Variants in PRKN observed in about 807,000 individuals in gnomAD.
The protein encoded by PRKN is parkin RBR E3 ubiquitin protein ligase, also known as E3 ubiquitin-protein ligase parkin.
A neutral mutation model predicts 59.5 loss-of-function variants in PRKN; 56 were observed. That is an observed-to-expected ratio of 0.94 (90% confidence interval 0.76 to 1.18). The LOEUF (loss-of-function observed/expected upper bound fraction) is 1.18, where lower values mean the gene tolerates loss of function less well. PRKN is among the 50% of genes most tolerant of loss of function. The pLI, the probability that PRKN is intolerant of heterozygous loss-of-function variation, is 0.00. For missense variants in PRKN, 657 were observed against 596.4 expected, an observed-to-expected ratio of 1.10 and a Z score of -1.06; for synonymous variants, 250 against 222.1, an observed-to-expected ratio of 1.13 and a Z score of -1.12.
chr6:161,937,187 T>C (rs1411641839), intron 6 of PRKN, among the ~76,000 whole-genome samples: 1 of 152,244 alleles, frequency 6.6e-6, no homozygotes, highest in Admixed American at 6.5e-5. Flanking sequence ...CCTCAGTTCC[T>C]TGGGGATGGA....
intron 6 of PRKN, among the ~76,000 whole-genome samples, chr6:161,809,695 C>G (rs577764303): frequency 6.6e-6 from 1 of 152,090 alleles, no homozygotes; most frequent in Non-Finnish European, 1.5e-5. Context: ...ATTTCCTATA[C>G]TGATAATAAA....
At chr6:162,702,793 A>G (rs1778203912) in intron 1 of PRKN, among the ~76,000 whole-genome samples, 1 of 152,192 alleles carries the variant, frequency 6.6e-6, no homozygotes, top group Admixed American at 6.5e-5. Context: ...GAGAATTAAT[A>G]GTGCATAATT....
At chr6:162,342,553 G>C (rs569196856) in intron 2 of PRKN, among the ~76,000 whole-genome samples, 3 of 152,254 alleles carry the variant, frequency 2.0e-5, no homozygotes, top group African/African-American at 7.2e-5. Context: ...TAGTAAGTAA[G>C]TGGTGGACCT....
rs113520633 is a variant in PRKN at position 161,927,939 on chromosome 6, T to C, written c.734+45363A>G. 3.3e-3 allele frequency among the ~76,000 whole-genome samples: 503 copies of C among 152,316 alleles called. 2 individuals carry two copies. Among genetic ancestry groups the C allele is most frequent in the African/African-American group, 0.012 (488 of 41,588 alleles). On this transcript the variant is annotated intron_variant, in intron 6 of 11. Transcript: ENST00000366898. The stretch of plus-strand genomic sequence containing the variant: ...AAAGAGTGAACAAGGATAACATTTA[T>C]GTTTGCTTACTGTTGTAGACCAAAT...
chr6:161,884,719 C>A (rs1353174420), intron 6 of PRKN, among the ~76,000 whole-genome samples: 1 of 152,176 alleles, frequency 6.6e-6, no homozygotes, highest in African/African-American at 2.4e-5. Context: ...GAAATTAGTT[C>A]TTGTACCTCT....
chr6:162,698,708 T>A (rs904773133), intron 1 of PRKN, among the ~76,000 whole-genome samples: 9 of 152,220 alleles, frequency 5.9e-5, no homozygotes, highest in African/African-American at 2.2e-4. Flanking sequence ...CCAACCAGCA[T>A]CTCTGCTTCT....
intron 7 of PRKN, among the ~76,000 whole-genome samples, chr6:161,725,733 C>T (rs1787414621): frequency 6.6e-6 from 1 of 152,178 alleles, no homozygotes; most frequent in Non-Finnish European, 1.5e-5. Flanking sequence ...ACTTAGCTTC[C>T]TCATCCACAA....
At chr6:162,066,060 A>T (rs1161855080) in intron 4 of PRKN, among the ~76,000 whole-genome samples, 1 of 152,178 alleles carries the variant, frequency 6.6e-6, no homozygotes, top group Non-Finnish European at 1.5e-5. Flanking sequence ...TAGTAGCATG[A>T]TTTATAATCC....
chr6:162,364,749 G>C (rs1785332854), intron 2 of PRKN, among the ~76,000 whole-genome samples: 1 of 152,110 alleles, frequency 6.6e-6, no homozygotes, highest in African/African-American at 2.4e-5. Context: ...GGGTGTGAAG[G>C]GGAATCAGGA....
chr6:161,743,386 TTTTATTTATTTATTTA>T (rs372492770), intron 7 of PRKN, among the ~76,000 whole-genome samples: 2 of 140,246 alleles, frequency 1.4e-5, no homozygotes, highest in Non-Finnish European at 3.1e-5. Flanking sequence ...CATCCAGCTT[TTTTATTTATTTATTTA>T]TTTATTTATT....
chr6:162,499,079 A>T (rs561613204), intron 1 of PRKN, among the ~76,000 whole-genome samples: 1 of 152,272 alleles, frequency 6.6e-6, no homozygotes, highest in Admixed American at 6.5e-5. Context: ...TCTGGGAGTA[A>T]GTCCAGGTCT....
chr6:161,457,292 G>T lies in PRKN; in HGVS notation c.1084-70415C>A, dbSNP rs1208963969. ...AGGATGGGCAGCTGGGCCAATGCAG[G>T]ATCCAACTATTCAAGATTCCTCCAC... On this transcript the variant is annotated intron_variant, in intron 9 of 11. Transcript: ENST00000366898. The surrounding 1 kb of genome is among the most constrained non-coding windows in gnomAD (Gnocchi z 5.0). 2.6e-5 allele frequency among the ~76,000 whole-genome samples: 4 copies of T among 152,164 alleles called. No individual in the cohort carries two copies. The highest frequency in any genetic ancestry group is 7.2e-5 in the African/African-American group (3 of 41,436).
chr6:161,830,313 G>A (rs960403373), intron 6 of PRKN, among the ~76,000 whole-genome samples: 12 of 151,086 alleles, frequency 7.9e-5, no homozygotes, highest in Non-Finnish European at 1.0e-4. Context: ...GTGCGGTGGC[G>A]CGATCTTGGC....
chr6:161,603,503 A>C (rs1782176089), intron 7 of PRKN, among the ~76,000 whole-genome samples: 1 of 152,196 alleles, frequency 6.6e-6, no homozygotes, highest in Admixed American at 6.5e-5. Flanking sequence ...TTCATAAATC[A>C]CTGTTTGCGC....
intron 1 of PRKN, among the ~76,000 whole-genome samples, chr6:162,552,840 C>T (rs1417216400): frequency 6.6e-6 from 1 of 151,966 alleles, no homozygotes; most frequent in Non-Finnish European, 1.5e-5. Flanking sequence ...AGGTTCAAGC[C>T]AGAAAAGGCT....
rs181354534 is a variant in PRKN at position 161,525,729 on chromosome 6, C to T, written c.1083+23125G>A. On this transcript the variant is annotated intron_variant, in intron 9 of 11. Transcript: ENST00000366898. The surrounding 1 kb of genome is among the most constrained non-coding windows in gnomAD (Gnocchi z 4.7). ...TATTTTAAAAAATTATTCTATTCAGCGCATTGCATCAGAAATGCTTCTATG... is the reference window on the plus strand; with the variant it reads ...TATTTTAAAAAATTATTCTATTCAGTGCATTGCATCAGAAATGCTTCTATG... Among the ~76,000 whole-genome samples the T allele has an allele frequency of 1.2e-3, 175 of 152,150 alleles. 1 individual carries two copies. Among genetic ancestry groups the T allele is most frequent in the African/African-American group, 4.0e-3 (166 of 41,508 alleles).
chr6:161,745,693 T>A (rs554339673), intron 7 of PRKN, among the ~76,000 whole-genome samples: 12 of 152,268 alleles, frequency 7.9e-5, no homozygotes, highest in African/African-American at 2.9e-4. Context: ...ACTTTCCAGA[T>A]AAGAGAGGAG....
rs368380165 is a variant in PRKN, at chr6:161,941,011, TG to T, written c.734+32290del. 2.8e-3 allele frequency among the ~76,000 whole-genome samples: 433 copies of T among 152,276 alleles called. 1 individual carries two copies. Among genetic ancestry groups the T allele is most frequent in the African/African-American group, 0.01 (421 of 41,564 alleles). On this transcript the variant is annotated intron_variant, in intron 6 of 11. Transcript: ENST00000366898. ...AGAATTGAAAGAGGCCATACTGATA[TG>T]GAAGTGCTGGGAAGGGAATGGCATG... is the stretch of plus-strand genomic sequence containing the variant.
chr6:162,346,793 TACATA>T (rs1562690298), intron 2 of PRKN, among the ~76,000 whole-genome samples: 2 of 152,164 alleles, frequency 1.3e-5, no homozygotes, highest in African/African-American at 4.8e-5. Context: ...TATTTATGTT[TACATA>T]ACATGACTAT....
Sources: gnomAD v4.1 joint callset for allele counts (sites outside exome capture counted in the v4.1 genomes callset) on GRCh38, gnomAD v4.1.1 for gene constraint, Gnocchi (gnomAD v3.1) non-coding constraint, MANE v1.5 for transcripts, NCBI Gene and HGNC (gene_info 2026-07-23, HGNC 2026-07-21) for gene names.